The following GID4 variants were observed in gnomAD, a reference collection of about 807,000 sequenced individuals.
The protein encoded by GID4 is GID complex subunit 4 homolog.
Under a neutral mutation model 32.4 loss-of-function variants are expected in GID4, and 7 were observed. The ratio of observed to expected loss-of-function variants is 0.22; its 90% CI spans 0.12 to 0.41. The LOEUF (loss-of-function observed/expected upper bound fraction) is 0.41. Among genes scored for constraint, GID4 ranks in the 10% least tolerant of loss-of-function variants. The pLI, the probability that GID4 is intolerant of heterozygous loss-of-function variation, is 1.00. For synonymous variants in GID4, 166 were observed against 170.0 expected (o/e 0.98, Z 0.18); for missense variants, 309 against 400.0 (o/e 0.77, Z 1.94).
chr17:18,043,681 T>G (rs1169615529), intron 1 of GID4, among the ~76,000 whole-genome samples: 1 of 152,258 alleles, frequency 6.6e-6, no homozygotes, highest in Admixed American at 6.5e-5. Flanking sequence ...TGACATCATC[T>G]GGTTGACTAA....
intron 2 of GID4, among the ~76,000 whole-genome samples, chr17:18,048,450 C>T (rs2044877427): frequency 6.6e-6 from 1 of 152,128 alleles, no homozygotes; most frequent in South Asian, 2.1e-4. Flanking sequence ...TCCTTGGCCT[C>T]CCAAAGTGTT....
chr17:18,058,615 G>A (rs1395043781), intron 3 of GID4, among the ~76,000 whole-genome samples: 1 of 152,144 alleles, frequency 6.6e-6, no homozygotes, highest in Admixed American at 6.5e-5. Context: ...CTTTTCCTCA[G>A]CCATGTTAAC....
chr17:18,058,490 G>A (rs2044990438), intron 3 of GID4, among the ~76,000 whole-genome samples: 2 of 152,204 alleles, frequency 1.3e-5, no homozygotes, highest in African/African-American at 4.8e-5. Context: ...TTTCTAAGCT[G>A]TTTTGCATGG....
At chr17:18,040,455 G>A (rs906804790) in intron 1 of GID4, among the ~76,000 whole-genome samples, 1 of 152,082 alleles carries the variant, frequency 6.6e-6, no homozygotes, top group African/African-American at 2.4e-5. Flanking sequence ...CCCCCAGACG[G>A]GGGAGCACCT....
chr17:18,041,695 C>T (rs918845259), intron 1 of GID4, among the ~76,000 whole-genome samples: 15 of 152,116 alleles, frequency 9.9e-5, no homozygotes, highest in African/African-American at 3.6e-4. Flanking sequence ...CCCTGTTGTT[C>T]AGTTTGATGG....
At chr17:18,054,019 A>G (rs1325993417) in intron 2 of GID4, 108 bp from the exon 3 acceptor site, 5 of 561,138 alleles carry the variant, frequency 8.9e-6, no homozygotes, top group African/African-American at 7.7e-5. Flanking sequence ...GTCAGGTAGC[A>G]GTGTCTAGGT....
At chr17:18,045,715 C>A (rs985705341) in intron 2 of GID4, among the ~76,000 whole-genome samples, 6 of 151,452 alleles carry the variant, frequency 4.0e-5, no homozygotes, top group Non-Finnish European at 5.9e-5. Context: ...ATGGTGAAAC[C>A]CCATCTCTAC....
At chr17:18,059,578 T>C (rs1488481350) in intron 4 of GID4, among the ~76,000 whole-genome samples, 1 of 152,154 alleles carries the variant, frequency 6.6e-6, no homozygotes, top group Admixed American at 6.6e-5. Flanking sequence ...GCGAGGTCAT[T>C]TGTGCTCCCT....
rs1008235734 is a variant in GID4 at position 18,061,750 on chromosome 17, C to T, written c.709-95C>T. The T allele has an allele frequency of 1.4e-4, 162 of 1,198,846 alleles. No homozygotes were observed. The highest frequency in any genetic ancestry group is 4.1e-4 in the Middle Eastern group (2 of 4,842). The allele number at this position is 1,198,846 out of a possible 1,614,324, so 74.3% of individuals were successfully genotyped here. On this transcript the variant is annotated intron_variant, in intron 4 of 5. Transcript: ENST00000268719. The surrounding 1 kb of genome is among the most constrained non-coding windows in gnomAD (Gnocchi z 4.4). ...AGACTATGAGATCCTATATTTTTCT[C>T]GAGTGGTCCTTAGAACCCCCTGATG...
chr17:18,060,217 G>C (rs550346192), intron 4 of GID4, among the ~76,000 whole-genome samples: 3 of 151,908 alleles, frequency 2.0e-5, no homozygotes, highest in African/African-American at 7.2e-5. Flanking sequence ...GGCCAATGTG[G>C]TGAAACCCCG....
Position 18,039,753 on chromosome 17 carries a change from T to G in GID4, c.289T>G (p.Ser97Ala). The G allele has an allele frequency of 6.4e-7, 1 of 1,557,542 alleles. No homozygotes were observed. The highest frequency in any genetic ancestry group is 2.5e-5 in the East Asian group (1 of 39,674). ...CGAGTGTCCCCCGCCGGCCGGTGCC[T>G]CCGCTGCCTCCGCGGCCTCACTCAT... ...RTECPPPAGA[S>A]AASAASLIPP... Residue 97 changes from serine (S) to alanine (A), a missense_variant, in exon 1 of 6, where the codon TCC (serine) becomes GCC (alanine). By Grantham distance (99) the Ser-to-Ala change is moderately conservative. Around this residue, in one of 2 missense-constraint regions of GID4, gnomAD observed 193 missense variants for 185.8 expected, o/e 1.04. Transcript: ENST00000268719. This position sits in a 1 kb window ranked among gnomAD's most constrained non-coding sequence, Gnocchi z 5.3.
Position 18,039,602 on chromosome 17 carries a change from C to G in GID4, c.138C>G (p.His46Gln). 1 of 1,293,854 alleles carries G rather than the reference C, an allele frequency of 7.7e-7. No homozygotes were observed. Among genetic ancestry groups the G allele is most frequent in the Non-Finnish European group, 9.8e-7 (1 of 1,024,874 alleles). The allele number at this position is 1,293,854 out of a possible 1,614,324, so 80.1% of individuals were successfully genotyped here. A position where few individuals can be genotyped will look rare whatever the true frequency, so the allele number is the denominator to read the frequency against. The change falls in exon 1 of 6, where the codon CAC becomes CAG. Residue 46 changes from histidine to glutamine, a missense_variant. Transcript: ENST00000268719. The surrounding 1 kb of genome is among the most constrained non-coding windows in gnomAD (Gnocchi z 5.3). ...QRAGGRPSRPHPARARPGLSL... is the reference protein window; with the variant it reads ...QRAGGRPSRPQPARARPGLSL... ...CGGGTGGTCGCCCCTCCCGCCCCCA[C>G]CCCGCGCGTGCGCGCCCCGGCCTCT... is the stretch of plus-strand genomic sequence containing the variant.
Position 18,059,295 on chromosome 17 carries a change from G to C in GID4, c.708+326G>C, listed in dbSNP as rs537712689. ...CCCAAGAATCTTGTTGAACCCCCAA[G>C]TTGAATCACTCCAAGTGTTCTGTGG... On this transcript the variant is annotated intron_variant, in intron 4 of 5. Transcript: ENST00000268719. Among the ~76,000 whole-genome samples the C allele has an allele frequency of 3.4e-4, 52 of 152,290 alleles. 1 individual carries two copies. The Middle Eastern group carries it at 0.01, about 30-fold the overall frequency.
chr17:18,064,086 A>G (rs1430994507), intron 5 of GID4, among the ~76,000 whole-genome samples: 1 of 152,172 alleles, frequency 6.6e-6, no homozygotes, highest in East Asian at 1.9e-4. Context: ...TTTAGTGGAC[A>G]CTTAGATTGC....
intron 5 of GID4, among the ~76,000 whole-genome samples, chr17:18,062,883 G>A (rs1247308700): frequency 6.6e-6 from 1 of 151,198 alleles, no homozygotes; most frequent in Non-Finnish European, 1.5e-5. Flanking sequence ...AGACCATCCT[G>A]GCTAACACGG....
At chr17:18,050,225 CCT>C (rs1181449843) in intron 2 of GID4, among the ~76,000 whole-genome samples, 1 of 152,100 alleles carries the variant, frequency 6.6e-6, no homozygotes, top group East Asian at 1.9e-4. Flanking sequence ...GATTTATACT[CCT>C]CTGGGTGTAT....
At chr17:18,049,640 C>T (rs1230774132) in intron 2 of GID4, among the ~76,000 whole-genome samples, 6 of 151,982 alleles carry the variant, frequency 3.9e-5, no homozygotes, top group Non-Finnish European at 1.5e-5. Flanking sequence ...GTCTGTTCTT[C>T]CCTTCTTTTT....
At position 18,065,642 on chromosome 17, in the gene GID4, A is replaced by G. The variant is rs962044535; in HGVS notation, c.*399A>G. ...AGTGGTCCCGAGGCCCTAGACCCCC[A>G]CCCCCCGCCAGTTGCTTTGTCTGGT... is the stretch of plus-strand genomic sequence containing the variant. On this transcript the variant is annotated 3_prime_UTR_variant, in exon 6 of 6. Coordinates refer to ENST00000268719, the MANE Select transcript of GID4 (RefSeq NM_024052.5). 3 of 213,532 alleles carry G rather than the reference A, an allele frequency of 1.4e-5. No homozygotes were observed. The highest frequency in any genetic ancestry group is 7.1e-5 in the African/African-American group (3 of 41,988). 13.2% of individuals were successfully genotyped at this position (213,532 alleles called of 1,614,324 possible).
At chr17:18,048,266 C>T (rs927413055) in intron 2 of GID4, among the ~76,000 whole-genome samples, 1 of 150,630 alleles carries the variant, frequency 6.6e-6, no homozygotes, top group Non-Finnish European at 1.5e-5. Context: ...TGTGATCTCA[C>T]CTTACCACAA....
Sources: gnomAD v4.1 joint callset for allele counts (sites outside exome capture counted in the v4.1 genomes callset) on GRCh38, gnomAD v4.1.1 for gene constraint, gnomAD v4.1.1 regional missense constraint, Gnocchi (gnomAD v3.1) non-coding constraint, MANE v1.5 for transcripts, NCBI Gene and HGNC (gene_info 2026-07-23, HGNC 2026-07-21) for gene names.